RAD51B: variants seen among roughly 807,000 people sequenced by gnomAD.
RAD51B encodes DNA repair protein RAD51 homolog 2.
A neutral mutation model predicts 42.2 loss-of-function variants in RAD51B; 38 were observed. That is an observed-to-expected ratio of 0.90 (90% CI 0.70 to 1.18). The LOEUF (loss-of-function observed/expected upper bound fraction) is 1.18, where lower values mean the gene tolerates loss of function less well. RAD51B is among the 50% of genes most tolerant of loss of function. The pLI is 0.00. For synonymous variants in RAD51B, 154 were observed against 145.2 expected (o/e 1.06, Z -0.43); for missense variants, 373 against 400.7 (o/e 0.93, Z 0.59).
intron 7 of RAD51B, among the ~76,000 whole-genome samples, chr14:68,072,553 C>G (rs2076770464): frequency 6.6e-6 from 1 of 152,104 alleles, no homozygotes; most frequent in African/African-American, 2.4e-5. Context: ...GGTCTGCCTT[C>G]CCCAGCCCTC....
chr14:68,497,682 C>T, intron 10 of RAD51B: 1 of 358,696 alleles, frequency 2.8e-6, no homozygotes, highest in Non-Finnish European at 4.3e-6. Flanking sequence ...GCAAGTGTTC[C>T]TATTTCCCCC....
chr14:68,200,733 A>G (rs772940771), intron 7 of RAD51B, among the ~76,000 whole-genome samples: 3 of 152,120 alleles, frequency 2.0e-5, no homozygotes, highest in Non-Finnish European at 4.4e-5. Flanking sequence ...GGCTCACTGT[A>G]GCCTCAACCT....
At chr14:68,375,682 T>TTTGC (rs561803032) in intron 8 of RAD51B, among the ~76,000 whole-genome samples, 41 of 152,232 alleles carry the variant, frequency 2.7e-4, no homozygotes, top group African/African-American at 9.4e-4. Context: ...TGCCTAAGTC[T>TTTGC]TTGCTTGATA....
At chr14:68,618,254 G>C (rs1198746409) in intron 10 of RAD51B, among the ~76,000 whole-genome samples, 1 of 152,134 alleles carries the variant, frequency 6.6e-6, no homozygotes, top group Admixed American at 6.6e-5. Flanking sequence ...CATCAATGGG[G>C]CACCATTGAC....
chr14:68,436,474 T>C (rs10149463), intron 9 of RAD51B, among the ~76,000 whole-genome samples: 47,823 of 151,912 alleles, frequency 0.31, 8,073 homozygotes, highest in East Asian at 0.5. Flanking sequence ...GCTTTATTAT[T>C]TCTGCTTAGG....
chr14:68,502,683 GCA>G (rs1885006652), intron 10 of RAD51B, among the ~76,000 whole-genome samples: 1 of 152,236 alleles, frequency 6.6e-6, no homozygotes, highest in Non-Finnish European at 1.5e-5. Flanking sequence ...AAAGCTGCAT[GCA>G]CCAGGGGATT....
In RAD51B at chr14:68,673,539, CAT is replaced by C. The variant is rs529921521; in HGVS notation, c.*11+22685_*11+22686del. ...ACATATGTACGCGCACACACATACACATACATATGTACACACATATGTATGCA... is the reference window on the plus strand; with the variant it reads ...ACATATGTACGCGCACACACATACACACATATGTACACACATATGTATGCA... On this transcript the variant is annotated intron_variant, in intron 11 of 11. Transcript: ENST00000488612. Among the ~76,000 whole-genome samples the C allele has an allele frequency of 8.2e-3, 1,237 of 151,504 alleles. 28 individuals are homozygous for C. The highest frequency in any genetic ancestry group is 0.029 in the African/African-American group (1,182 of 41,176).
chr14:68,618,289 C>G lies in RAD51B; in HGVS notation c.1037-32492C>G, dbSNP rs547687075. Among the ~76,000 whole-genome samples the G allele has an allele frequency of 7.9e-5, 12 of 152,224 alleles. No homozygotes were observed. The South Asian group carries it at 2.5e-3, about 32-fold the overall frequency. ...CCTCTAGTTTCTAGTTGTGCTCAGG[C>G]AAAAAGAGACACAAACAGGAAACTA... On this transcript the variant is annotated intron_variant, in intron 10 of 11. Coordinates refer to the RAD51B transcript ENST00000488612.
At chr14:68,611,444 C>G (rs1046595743) in exon 11 of RAD51B, 1 of 582,174 alleles carries the variant, frequency 1.7e-6, no homozygotes, top group East Asian at 2.9e-5. Flanking sequence ...TTGATCCCCA[C>G]GTGAGATCTC....
At chr14:68,510,299 CAGATTT>C (rs1347509490) in intron 10 of RAD51B, among the ~76,000 whole-genome samples, 1 of 152,220 alleles carries the variant, frequency 6.6e-6, no homozygotes, top group Non-Finnish European at 1.5e-5. Flanking sequence ...GGGCCCAAGA[CAGATTT>C]TAGGAAACAA....
rs556869107 is a variant in RAD51B at position 67,853,047 on chromosome 14, C to T, written c.316-11956C>T. Among the ~76,000 whole-genome samples the T allele has an allele frequency of 5.3e-5, 8 of 152,226 alleles. No individual in the cohort carries two copies. The East Asian group carries it at 1.3e-3, about 26-fold the overall frequency. On this transcript the variant is annotated intron_variant, in intron 4 of 10. Coordinates refer to ENST00000471583, the MANE Select transcript of RAD51B (RefSeq NM_133510.4). ...GGGGAAGGAAGAAAAGCTTAAAACC[C>T]AAGAAGGACTCAGGATGCCATTGCT...
At chr14:68,596,073 C>G, downstream of RAD51B, 1 of 1,030,232 alleles carries the variant, frequency 9.7e-7, no homozygotes, top group Non-Finnish European at 1.2e-6. Context: ...GTTTCTTATC[C>G]CATGTCTATT....
chr14:68,629,765 C>T (rs963406333), intron 10 of RAD51B, among the ~76,000 whole-genome samples: 7 of 152,188 alleles, frequency 4.6e-5, no homozygotes, highest in Admixed American at 2.0e-4. Flanking sequence ...AGCATACATA[C>T]GTCCTAAGAT....
chr14:68,130,894 G>A (rs1359278456), intron 7 of RAD51B, among the ~76,000 whole-genome samples: 2 of 151,322 alleles, frequency 1.3e-5, no homozygotes, highest in Admixed American at 6.6e-5. Flanking sequence ...GTGTGTGTTT[G>A]TGTGTGTGTG....
At chr14:68,126,190 C>T (rs2077755819) in intron 7 of RAD51B, among the ~76,000 whole-genome samples, 1 of 152,100 alleles carries the variant, frequency 6.6e-6, no homozygotes, top group African/African-American at 2.4e-5. Context: ...ACTGTAGTAA[C>T]AACAAAAATC....
chr14:68,611,884 A>ATT (rs11305901), downstream of RAD51B, among the ~76,000 whole-genome samples: 6 of 149,324 alleles, frequency 4.0e-5, no homozygotes, highest in African/African-American at 1.5e-4. Flanking sequence ...CCAGTGTAAG[A>ATT]TTTTTTTTTT....
intron 11 of RAD51B, among the ~76,000 whole-genome samples, chr14:68,651,373 G>A (rs893656715): frequency 1.3e-5 from 2 of 152,098 alleles, no homozygotes; most frequent in African/African-American, 4.8e-5. Flanking sequence ...AGGTTTTGCC[G>A]TGTTGCCCAG....
intron 10 of RAD51B, among the ~76,000 whole-genome samples, chr14:68,607,755 C>T (rs865830214): frequency 7.9e-5 from 12 of 152,272 alleles, no homozygotes; most frequent in East Asian, 1.9e-4. Flanking sequence ...CACACAGCCC[C>T]GGGGAGGCGC....
intron 7 of RAD51B, among the ~76,000 whole-genome samples, chr14:67,912,730 G>C (rs986642056): frequency 8.6e-5 from 13 of 150,330 alleles, no homozygotes; most frequent in African/African-American, 3.2e-4. Flanking sequence ...TTTTGAGATG[G>C]AGTCTCACTC....
Sources: allele counts gnomAD v4.1 joint callset (sites outside exome capture counted in the v4.1 genomes callset), GRCh38; gene constraint gnomAD v4.1.1; transcripts MANE v1.5; gene names NCBI Gene and HGNC (gene_info 2026-07-23, HGNC 2026-07-21).